The following SLC39A9 variants were observed in gnomAD, a reference collection of about 807,000 sequenced individuals.
The protein encoded by SLC39A9 is solute carrier family 39 member 9, also known as zinc transporter ZIP9.
In SLC39A9, 14 loss-of-function variants were observed where a neutral mutation model predicts 28.4. That is an observed-to-expected ratio of 0.49 (90% CI 0.33 to 0.77). SLC39A9 has a LOEUF of 0.77. Ranked by LOEUF, SLC39A9 falls within the 30% of genes least tolerant of loss-of-function variation. SLC39A9 has a pLI of 0.02. For missense variants in SLC39A9, 283 were observed against 381.1 expected (o/e 0.74, Z 2.14); for synonymous variants, 119 against 149.6 (o/e 0.80, Z 1.49).
chr14:69,438,983 GAAGTA>G lies in SLC39A9; in HGVS notation c.206-3081_206-3077del, dbSNP rs1176788864. Among the ~76,000 whole-genome samples, 3 of 152,288 alleles carry G rather than the reference GAAGTA, an allele frequency of 2.0e-5. No individual in the cohort carries two copies. The East Asian group carries it at 5.8e-4, about 29-fold the overall frequency. The stretch of plus-strand genomic sequence containing the variant: ...AGAAGGCATTCACATTGGAAAGGAA[GAAGTA>G]AAGTTGTCTCTGTTTTCAGGTGAGA... On this transcript the variant is annotated intron_variant, in intron 2 of 6. Coordinates refer to ENST00000336643, the MANE Select transcript of SLC39A9 (RefSeq NM_018375.5).
upstream of SLC39A9, chr14:69,398,396 G>A: frequency 1.1e-6 from 1 of 913,398 alleles, no homozygotes; most frequent in Non-Finnish European, 1.7e-6. Context: ...AGTCACTTCC[G>A]GCAGCTAGAG....
chr14:69,405,729 G>T (rs1160059870), intron 1 of SLC39A9, among the ~76,000 whole-genome samples: 1 of 152,056 alleles, frequency 6.6e-6, no homozygotes, highest in Non-Finnish European at 1.5e-5. Flanking sequence ...AACTAAGTTT[G>T]GATCAAATAA....
At chr14:69,416,295 G>A (rs1433590992) in intron 1 of SLC39A9, among the ~76,000 whole-genome samples, 2 of 152,166 alleles carry the variant, frequency 1.3e-5, no homozygotes, top group Non-Finnish European at 2.9e-5. Flanking sequence ...TACAAAGGAC[G>A]TGAACTCATC....
intron 1 of SLC39A9, among the ~76,000 whole-genome samples, chr14:69,412,859 A>T (rs1488649053): frequency 6.6e-6 from 1 of 152,216 alleles, no homozygotes; most frequent in Non-Finnish European, 1.5e-5. Context: ...AACTGAAAAC[A>T]ATACAATAGT....
chr14:69,409,060 C>T (rs992753605), intron 1 of SLC39A9, among the ~76,000 whole-genome samples: 1 of 152,110 alleles, frequency 6.6e-6, no homozygotes, highest in Non-Finnish European at 1.5e-5. Context: ...AAGTACAAAT[C>T]CCCTATTTAT....
chr14:69,401,687 T>A (rs1307516555), intron 1 of SLC39A9, among the ~76,000 whole-genome samples: 1 of 152,228 alleles, frequency 6.6e-6, no homozygotes, highest in Non-Finnish European at 1.5e-5. Flanking sequence ...AATTAGTATG[T>A]CATGTCATTT....
Position 69,435,536 on chromosome 14 carries a change from G to A in SLC39A9, c.206-6533G>A, listed in dbSNP as rs546627870. On this transcript the variant is annotated intron_variant, in intron 2 of 6. Transcript: ENST00000336643. Reference sequence around the variant, plus strand: ...TTCTAATTGATGTGTTTAGACGAGAGATTAGCAAACTTTTTCTGTAAAGCA... The same window carrying A: ...TTCTAATTGATGTGTTTAGACGAGAAATTAGCAAACTTTTTCTGTAAAGCA... 3.3e-4 allele frequency among the ~76,000 whole-genome samples: 51 copies of A among 152,260 alleles called. 1 individual carries two copies. Among genetic ancestry groups the A allele is most frequent in the African/African-American group, 1.2e-3 (50 of 41,554 alleles).
chr14:69,422,821 T>C (rs1883972780), intron 1 of SLC39A9, among the ~76,000 whole-genome samples: 1 of 152,188 alleles, frequency 6.6e-6, no homozygotes, highest in Non-Finnish European at 1.5e-5. Context: ...TGACCTCAGG[T>C]GATCCACCCA....
intron 2 of SLC39A9, among the ~76,000 whole-genome samples, chr14:69,436,393 C>T (rs769437319): frequency 3.3e-5 from 5 of 152,052 alleles, no homozygotes; most frequent in African/African-American, 9.7e-5. Flanking sequence ...GTCAAAATTT[C>T]CTGTTTCTTT....
chr14:69,453,348 C>A, intron 4 of SLC39A9, 39 bp downstream of exon 4: 2 of 1,570,756 alleles, frequency 1.3e-6, no homozygotes, highest in South Asian at 1.1e-5. Flanking sequence ...TGTTTTCTAT[C>A]GCACAGGGGA....
In SLC39A9 at chr14:69,459,300, T is replaced by G. The variant is rs760569759; in HGVS notation, c.*707T>G. ...ATGGAGCAGGAGAGGTGGGAGGAGC[T>G]TCTAAAGAGGTGACTGGTATTTTGT... On this transcript the variant is annotated 3_prime_UTR_variant, in exon 7 of 7. Transcript: ENST00000336643. 33 of 985,320 alleles carry G rather than the reference T, an allele frequency of 3.3e-5. No individual in the cohort carries two copies. The highest frequency in any genetic ancestry group is 3.9e-5 in the Non-Finnish European group (32 of 829,942). The allele number at this position is 985,320 out of a possible 1,614,324, so 61.0% of individuals were successfully genotyped here.
intron 1 of SLC39A9, among the ~76,000 whole-genome samples, chr14:69,411,028 A>G (rs930598624): frequency 6.6e-6 from 1 of 152,130 alleles, no homozygotes; most frequent in Non-Finnish European, 1.5e-5. Context: ...CCTGGTCAAC[A>G]TGGTGAAACC....
chr14:69,430,686 A>C (rs1454883976), intron 2 of SLC39A9, among the ~76,000 whole-genome samples: 4 of 143,970 alleles, frequency 2.8e-5, no homozygotes, highest in African/African-American at 1.0e-4. Flanking sequence ...TGGAGTGTGC[A>C]GTGGCATGAT....
intron 3 of SLC39A9, 71 bp downstream of exon 3, chr14:69,442,337 T>C: frequency 6.9e-7 from 1 of 1,453,188 alleles, no homozygotes; most frequent in Non-Finnish European, 9.6e-7. Context: ...CGATCAAATA[T>C]TTCAGTCTGT....
At chr14:69,438,572 A>G (rs1157096000) in intron 2 of SLC39A9, among the ~76,000 whole-genome samples, 1 of 152,338 alleles carries the variant, frequency 6.6e-6, no homozygotes, top group East Asian at 1.9e-4. Context: ...CTGGAATTAG[A>G]TGATTATCAG....
intron 3 of SLC39A9, among the ~76,000 whole-genome samples, chr14:69,450,922 T>A (rs182290489): frequency 6.6e-6 from 1 of 152,388 alleles, no homozygotes; most frequent in Non-Finnish European, 1.5e-5. Context: ...GACCTGGTTT[T>A]ACCTATTTTC....
chr14:69,402,040 A>G (rs1298749783), intron 1 of SLC39A9, among the ~76,000 whole-genome samples: 2 of 152,162 alleles, frequency 1.3e-5, no homozygotes, highest in East Asian at 3.8e-4. Context: ...CCAAACTCCT[A>G]CACTGGATAA....
chr14:69,406,880 T>C (rs1326819578), intron 1 of SLC39A9, among the ~76,000 whole-genome samples: 1 of 132,366 alleles, frequency 7.6e-6, no homozygotes, highest in African/African-American at 2.9e-5. Flanking sequence ...AGATGGAGTC[T>C]TGCTCTGTCG....
At chr14:69,410,716 G>C (rs1883215673) in intron 1 of SLC39A9, among the ~76,000 whole-genome samples, 1 of 152,162 alleles carries the variant, frequency 6.6e-6, no homozygotes, top group East Asian at 1.9e-4. Context: ...GAATATGGGG[G>C]AAAACTTTGT....
Sources: allele counts gnomAD v4.1 joint callset (sites outside exome capture counted in the v4.1 genomes callset), GRCh38; gene constraint gnomAD v4.1.1; transcripts MANE v1.5; gene names NCBI Gene and HGNC (gene_info 2026-07-23, HGNC 2026-07-21).